ABCB11: variants seen among roughly 807,000 people sequenced by gnomAD.
ABCB11 encodes ATP binding cassette subfamily B member 11.
ABCB11 carries 95 observed loss-of-function variants against 148.0 expected under a neutral mutation model. The observed-to-expected ratio is 0.64, with a 90% CI of 0.54 to 0.76. ABCB11 has a LOEUF of 0.76. Among genes scored for constraint, ABCB11 ranks in the 30% least tolerant of loss-of-function variants. ABCB11 has a pLI of 0.00. For synonymous variants in ABCB11, 591 were observed against 555.4 expected, an observed-to-expected ratio of 1.06 and a Z score of -0.90; for missense variants, 1,523 against 1,617.8, an observed-to-expected ratio of 0.94 and a Z score of 1.01.
chr2:168,991,460 T>C (rs2106006058), intron 8 of ABCB11, among the ~76,000 whole-genome samples: 1 of 152,206 alleles, frequency 6.6e-6, no homozygotes, highest in East Asian at 1.9e-4. Flanking sequence ...CAAAAGGAAA[T>C]GAAAAGACAT....
At chr2:168,959,309 G>A (rs1574433390) in intron 18 of ABCB11, among the ~76,000 whole-genome samples, 1 of 151,602 alleles carries the variant, frequency 6.6e-6, no homozygotes, top group East Asian at 2.0e-4. Flanking sequence ...CATGCAGCAG[G>A]TCCTTCTGTT....
chr2:169,025,247 C>T (rs569161587), intron 1 of ABCB11, among the ~76,000 whole-genome samples: 1 of 152,230 alleles, frequency 6.6e-6, no homozygotes, highest in African/African-American at 2.4e-5. Flanking sequence ...GTCTTGCCCA[C>T]GAAATTTGGA....
intron 8 of ABCB11, 127 bp from the exon 9 acceptor site, chr2:168,991,052 T>C (rs1694502956): frequency 2.6e-6 from 3 of 1,161,702 alleles, no homozygotes; most frequent in Non-Finnish European, 3.5e-6. Context: ...GTAACATCAT[T>C]GACAGGAGGA....
rs1163486377 is a variant in ABCB11 at position 168,973,761 on chromosome 2, G to A, written c.1388C>T (p.Thr463Ile). 8.1e-6 allele frequency: 13 copies of A among 1,612,152 alleles called. No homozygotes were observed. The highest frequency in any genetic ancestry group is 1.1e-5 in the Non-Finnish European group (13 of 1,178,722). ...LVGPSGAGKS[T>I]ALQLIQRFYD... ...GAATCGCTGAATGAGTTGCAGTGCT[G>A]TACTTTTTCCAGCTCCACTGGGTCC... The change falls in exon 13 of 28, where the codon ACA (threonine) becomes ATA (isoleucine). Residue 463 changes from threonine (T) to isoleucine (I), a missense_variant. Thr to Ile is a moderately conservative substitution (Grantham distance 89, BLOSUM62 -1). Transcript: ENST00000650372.
At chr2:168,976,080 C>T (rs746233962) in intron 12 of ABCB11, among the ~76,000 whole-genome samples, 5 of 152,040 alleles carry the variant, frequency 3.3e-5, no homozygotes, top group Non-Finnish European at 5.9e-5. Context: ...CATAATATCA[C>T]AAGGATACCT....
At chr2:168,948,605 ACAAT>A (rs1030589344) in intron 19 of ABCB11, among the ~76,000 whole-genome samples, 1 of 151,724 alleles carries the variant, frequency 6.6e-6, no homozygotes, top group Admixed American at 6.6e-5. Flanking sequence ...TCTGGGGAAG[ACAAT>A]CAATACAGAT....
intron 5 of ABCB11, among the ~76,000 whole-genome samples, chr2:169,009,549 A>G (rs1472316513): frequency 8.3e-6 from 1 of 120,224 alleles, no homozygotes; most frequent in African/African-American, 3.2e-5. Flanking sequence ...GGACACAGGA[A>G]GGGGAACATC....
chr2:168,998,005 T>C (rs1240926687), intron 5 of ABCB11, among the ~76,000 whole-genome samples: 2 of 152,018 alleles, frequency 1.3e-5, no homozygotes, highest in East Asian at 1.9e-4. Flanking sequence ...CTAAGGTCTC[T>C]TGTGCTCACC....
intron 19 of ABCB11, among the ~76,000 whole-genome samples, chr2:168,953,797 C>T (rs1297662621): frequency 6.6e-6 from 1 of 151,628 alleles, no homozygotes; most frequent in Non-Finnish European, 1.5e-5. Flanking sequence ...CACCCCTTTG[C>T]TCACTGAGAT....
intron 1 of ABCB11, among the ~76,000 whole-genome samples, chr2:169,024,796 G>C (rs1468205036): frequency 6.6e-6 from 1 of 151,986 alleles, no homozygotes; most frequent in Non-Finnish European, 1.5e-5. Context: ...GCAGTTTTGA[G>C]GAGTACTCAT....
rs1692299509 is a variant in ABCB11 at position 168,946,233 on chromosome 2, GAGTCATTAA to G, written c.2344-1281_2344-1273del. On this transcript the variant is annotated intron_variant, in intron 19 of 27. Coordinates refer to ENST00000650372, the MANE Select transcript of ABCB11 (RefSeq NM_003742.4). ...TTTATTCATTTTCCTGAATTAATTTGAGTCATTAAAACAGTGTCAACAAATAGTTGTTCA... is the reference window on the plus strand; with the variant it reads ...TTTATTCATTTTCCTGAATTAATTTGAACAGTGTCAACAAATAGTTGTTCA... 2.0e-5 allele frequency among the ~76,000 whole-genome samples: 3 copies of G among 151,912 alleles called. No homozygotes were observed. In the South Asian group the frequency reaches 6.2e-4, roughly 32 times the overall value.
At chr2:169,008,612 A>G (rs962296076) in intron 5 of ABCB11, among the ~76,000 whole-genome samples, 1 of 152,146 alleles carries the variant, frequency 6.6e-6, no homozygotes, top group African/African-American at 2.4e-5. Context: ...TCATTATTCT[A>G]CCTATGAGAG....
chr2:168,971,287 T>C (rs1458873499), intron 14 of ABCB11, among the ~76,000 whole-genome samples: 2 of 152,034 alleles, frequency 1.3e-5, no homozygotes, highest in African/African-American at 2.4e-5. Context: ...ACCGTATACG[T>C]GTTAACCCTT....
In ABCB11 at chr2:168,968,505, A is replaced by T; in HGVS notation, c.2012-15T>A. 2 of 1,605,350 alleles carry T rather than the reference A, an allele frequency of 1.2e-6. No individual in the cohort carries two copies. The highest frequency in any genetic ancestry group is 1.7e-6 in the Non-Finnish European group (2 of 1,174,442). On this transcript the variant is annotated splice_polypyrimidine_tract_variant and intron_variant, in intron 16 of 27. Transcript: ENST00000650372. Reference sequence around the variant, plus strand: ...TTCAGTTGCATCTACTCAACACAGCATGAGCAATTTTTTAGTATATACAAT... The same window carrying T: ...TTCAGTTGCATCTACTCAACACAGCTTGAGCAATTTTTTAGTATATACAAT...
chr2:168,942,505 T>C (rs1172523478), intron 21 of ABCB11, among the ~76,000 whole-genome samples: 1 of 4,122 alleles, frequency 2.4e-4, no homozygotes, highest in African/African-American at 3.4e-4. Flanking sequence ...AAACAAAGGG[T>C]GCAAAAAAAA....
At chr2:168,990,423 CTTCTGTAT>C (rs1284652995) in intron 9 of ABCB11, among the ~76,000 whole-genome samples, 1 of 151,974 alleles carries the variant, frequency 6.6e-6, no homozygotes, top group Non-Finnish European at 1.5e-5. Context: ...CTCTTATGAT[CTTCTGTAT>C]TTCTGTGGTA....
chr2:168,974,363 C>T (rs10176934), intron 12 of ABCB11, among the ~76,000 whole-genome samples: 3 of 151,630 alleles, frequency 2.0e-5, no homozygotes, highest in Admixed American at 6.6e-5. Context: ...GTGTTTGCTA[C>T]GTAGAGGCTG....
chr2:168,960,132 A>T (rs1050092601), intron 18 of ABCB11, among the ~76,000 whole-genome samples: 19 of 151,514 alleles, frequency 1.3e-4, no homozygotes, highest in Non-Finnish European at 2.5e-4. Context: ...GTTGATGATT[A>T]AAAAACCAGA....
At chr2:169,003,054 C>T (rs976791810) in intron 5 of ABCB11, among the ~76,000 whole-genome samples, 2 of 151,736 alleles carry the variant, frequency 1.3e-5, no homozygotes, top group African/African-American at 2.4e-5. Flanking sequence ...GAATGGTGCA[C>T]CCATCATCCA....
Sources: gnomAD v4.1 joint callset for allele counts (sites outside exome capture counted in the v4.1 genomes callset) on GRCh38, gnomAD v4.1.1 for gene constraint, MANE v1.5 for transcripts, NCBI Gene and HGNC (gene_info 2026-07-23, HGNC 2026-07-21) for gene names.